The following TPD52L1 variants were observed in gnomAD, a reference collection of about 807,000 sequenced individuals.
The protein encoded by TPD52L1 is tumor protein D53.
Under a neutral mutation model 28.7 loss-of-function variants are expected in TPD52L1, and 18 were observed. The ratio of observed to expected loss-of-function variants is 0.63; its 90% CI spans 0.43 to 0.93. The LOEUF (loss-of-function observed/expected upper bound fraction) is 0.93. TPD52L1 is among the 40% of genes least tolerant of loss of function. The probability of loss-of-function intolerance (pLI) is 0.00; values close to 1 mark genes in which losing one functional copy is unlikely to be tolerated. For synonymous variants in TPD52L1, 75 were observed against 88.8 expected (o/e 0.84, Z 0.88); for missense variants, 203 against 254.8 (o/e 0.80, Z 1.39).
At chr6:125,190,837 G>A (rs532951451) in intron 1 of TPD52L1, among the ~76,000 whole-genome samples, 1 of 152,296 alleles carries the variant, frequency 6.6e-6, no homozygotes, top group East Asian at 1.9e-4. Flanking sequence ...GCAATGGGGA[G>A]CCACTGTAAA....
intron 1 of TPD52L1, among the ~76,000 whole-genome samples, chr6:125,212,516 C>T (rs3799748): frequency 1.3e-5 from 2 of 152,328 alleles, no homozygotes; most frequent in African/African-American, 4.8e-5. Flanking sequence ...TGCCAGCATG[C>T]GCTGGAAGTG....
At chr6:125,167,335 G>A (rs77093605) in intron 1 of TPD52L1, among the ~76,000 whole-genome samples, 9,516 of 152,168 alleles carry the variant, frequency 0.063, 376 homozygotes, top group Middle Eastern at 0.11. Context: ...CTTTCAGCAC[G>A]CATCATTTGC....
chr6:125,202,411 C>A (rs866966485), intron 1 of TPD52L1, among the ~76,000 whole-genome samples: 4 of 152,172 alleles, frequency 2.6e-5, no homozygotes, highest in South Asian at 2.1e-4. Flanking sequence ...AAGGCATGCA[C>A]AGGTCGTGTT....
chr6:125,182,528 G>C (rs3799767), intron 1 of TPD52L1, among the ~76,000 whole-genome samples: 9,090 of 152,228 alleles, frequency 0.06, 348 homozygotes, highest in Middle Eastern at 0.095. Context: ...CCATCTGGAA[G>C]TGTGATGATG....
chr6:125,251,236 T>C (rs1797247380), intron 4 of TPD52L1, among the ~76,000 whole-genome samples: 1 of 152,200 alleles, frequency 6.6e-6, no homozygotes, highest in South Asian at 2.1e-4. Flanking sequence ...ATTTTAAACT[T>C]CTTTTTGGTT....
intron 1 of TPD52L1, among the ~76,000 whole-genome samples, chr6:125,186,038 T>C (rs1364594426): frequency 2.0e-5 from 3 of 151,814 alleles, no homozygotes; most frequent in Admixed American, 2.0e-4. Context: ...AGATTATAGA[T>C]GCGTGCCACC....
rs905796112 is a variant in TPD52L1, at chr6:125,169,336, A to G, written c.19+15366A>G. Among the ~76,000 whole-genome samples, 3 of 152,134 alleles carry G rather than the reference A, an allele frequency of 2.0e-5. No individual in the cohort carries two copies. In the East Asian group the frequency reaches 5.8e-4, roughly 29 times the overall value. ...TTGGATCCATGTGCTAACAACTCCA[A>G]AATTTATTTTTCCTGCCTGGACCTC... On this transcript the variant is annotated intron_variant, in intron 1 of 6. Transcript: ENST00000534000.
chr6:125,172,529 T>TAC (rs1206570913), intron 1 of TPD52L1, among the ~76,000 whole-genome samples: 1 of 84,988 alleles, frequency 1.2e-5, no homozygotes, highest in African/African-American at 5.0e-5. Flanking sequence ...TATATATATA[T>TAC]ATATATATAT....
chr6:125,178,661 A>ATG (rs759505484), intron 1 of TPD52L1, among the ~76,000 whole-genome samples: 1 of 150,680 alleles, frequency 6.6e-6, no homozygotes, highest in African/African-American at 2.4e-5. Flanking sequence ...AAAACAAAAT[A>ATG]TATATATATA....
intron 1 of TPD52L1, among the ~76,000 whole-genome samples, chr6:125,216,529 G>GTGTGTATATA (rs1314530488): frequency 7.2e-5 from 5 of 69,076 alleles, no homozygotes; most frequent in African/African-American, 4.2e-4. Flanking sequence ...GTATGTGTGT[G>GTGTGTATATA]TATATATATA....
At chr6:125,237,023 G>C (rs2115006522) in intron 3 of TPD52L1, among the ~76,000 whole-genome samples, 1 of 152,316 alleles carries the variant, frequency 6.6e-6, no homozygotes, top group Non-Finnish European at 1.5e-5. Flanking sequence ...AGAACAGCTA[G>C]AGCAGAGACC....
In TPD52L1 at chr6:125,220,147, T is replaced by C. The variant is rs937546305; in HGVS notation, c.89T>C (p.Met30Thr). Residue 30 changes from methionine to threonine, a missense_variant, in exon 2 of 7, where the codon ATG (methionine) becomes ACG (threonine). Transcript: ENST00000534000. ...GTAGCCAGTGCTGACTTCTCTAGCA[T>C]GCTCTCTGAGGAGGAAAAGGAAGAG... ...DAVASADFSS[M>T]LSEEEKEELK... 1.5e-5 allele frequency: 24 copies of C among 1,613,792 alleles called. No homozygotes were observed. Among genetic ancestry groups the C allele is most frequent in the African/African-American group, 2.7e-5 (2 of 74,904 alleles).
At chr6:125,230,743 G>A (rs769318625) in intron 3 of TPD52L1, among the ~76,000 whole-genome samples, 32 of 152,072 alleles carry the variant, frequency 2.1e-4, no homozygotes, top group Non-Finnish European at 3.7e-4. Flanking sequence ...CTCTAAATAT[G>A]GCCTAGCAGT....
At chr6:125,254,764 T>C (rs1336881890) in intron 5 of TPD52L1, among the ~76,000 whole-genome samples, 1 of 151,928 alleles carries the variant, frequency 6.6e-6, no homozygotes, top group Admixed American at 6.5e-5. Flanking sequence ...TTTGCAGTGC[T>C]AAAAAAGTTT....
At chr6:125,179,656 G>T (rs2114815209) in intron 1 of TPD52L1, among the ~76,000 whole-genome samples, 1 of 152,266 alleles carries the variant, frequency 6.6e-6, no homozygotes, top group African/African-American at 2.4e-5. Context: ...CATGCCTGTT[G>T]TATATTCAGG....
chr6:125,213,175 GA>G (rs913206691), intron 1 of TPD52L1, among the ~76,000 whole-genome samples: 1 of 151,990 alleles, frequency 6.6e-6, no homozygotes, highest in African/African-American at 2.4e-5. Context: ...AGTAGTGGGG[GA>G]AAAAATATTA....
At chr6:125,222,934 C>T (rs1028278431) in intron 2 of TPD52L1, among the ~76,000 whole-genome samples, 1 of 152,168 alleles carries the variant, frequency 6.6e-6, no homozygotes, top group African/African-American at 2.4e-5. Context: ...TGCTGTAACT[C>T]ATAAACCAGC....
chr6:125,192,906 C>A (rs1452779059), intron 1 of TPD52L1, among the ~76,000 whole-genome samples: 3 of 152,172 alleles, frequency 2.0e-5, no homozygotes, highest in Admixed American at 2.0e-4. Context: ...GCATCCATGT[C>A]CTCCATGGCA....
intron 3 of TPD52L1, among the ~76,000 whole-genome samples, chr6:125,240,567 A>AT (rs570953472): frequency 6.6e-4 from 100 of 151,896 alleles, no homozygotes; most frequent in African/African-American, 2.3e-3. Flanking sequence ...TAAGTATTTT[A>AT]TTTTTTATTT....
Sources: allele counts gnomAD v4.1 joint callset (sites outside exome capture counted in the v4.1 genomes callset), GRCh38; gene constraint gnomAD v4.1.1; transcripts MANE v1.5; gene names NCBI Gene and HGNC (gene_info 2026-07-23, HGNC 2026-07-21).